EIF2AK3: variants seen among roughly 807,000 people sequenced by gnomAD.
EIF2AK3 encodes the protein eukaryotic translation initiation factor 2-alpha kinase 3.
EIF2AK3 carries 50 observed loss-of-function variants against 113.5 expected under a neutral mutation model. That is an observed-to-expected ratio of 0.44 (90% CI 0.35 to 0.56). The LOEUF is 0.56. Ranked by LOEUF, EIF2AK3 falls within the 20% of genes least tolerant of loss-of-function variation. The pLI, the probability that EIF2AK3 is intolerant of heterozygous loss-of-function variation, is 0.00. For missense variants in EIF2AK3, 1,185 were observed against 1,378.0 expected, an observed-to-expected ratio of 0.86 and a Z score of 2.22; for synonymous variants, 448 against 495.4, an observed-to-expected ratio of 0.90 and a Z score of 1.27.
intron 2 of EIF2AK3, among the ~76,000 whole-genome samples, chr2:88,609,856 T>C (rs1186233494): frequency 9.8e-5 from 14 of 142,654 alleles, no homozygotes; most frequent in Non-Finnish European, 1.9e-4. Flanking sequence ...TGCCTGTAAT[T>C]CCAGCACTTT....
intron 2 of EIF2AK3, among the ~76,000 whole-genome samples, chr2:88,599,556 A>G (rs1675103227): frequency 6.6e-6 from 1 of 151,440 alleles, no homozygotes; most frequent in Non-Finnish European, 1.5e-5. Context: ...TAAATATTCT[A>G]TATTTTATTT....
chr2:88,609,719 T>C (rs1675381406), intron 2 of EIF2AK3, among the ~76,000 whole-genome samples: 1 of 152,094 alleles, frequency 6.6e-6, no homozygotes, highest in African/African-American at 2.4e-5. Flanking sequence ...TTGGTAGACA[T>C]TTTCTAAAAA....
chr2:88,601,584 T>A (rs183847339), intron 2 of EIF2AK3, among the ~76,000 whole-genome samples: 18 of 152,300 alleles, frequency 1.2e-4, no homozygotes, highest in Non-Finnish European at 2.6e-4. Flanking sequence ...TCTGGCCCTT[T>A]ACAGGAAAAG....
chr2:88,614,475 C>T (rs933446432), intron 1 of EIF2AK3, among the ~76,000 whole-genome samples: 1 of 152,210 alleles, frequency 6.6e-6, no homozygotes, highest in Non-Finnish European at 1.5e-5. Flanking sequence ...CACCACCTAA[C>T]ATATTTAACA....
intron 2 of EIF2AK3, among the ~76,000 whole-genome samples, chr2:88,611,755 C>G (rs1349822028): frequency 6.6e-6 from 1 of 152,050 alleles, no homozygotes; most frequent in Non-Finnish European, 1.5e-5. Context: ...CTCAGCCTCC[C>G]AAGTAGCTAG....
At chr2:88,613,958 T>C in intron 1 of EIF2AK3, 105 bp from the exon 2 acceptor site, 2 of 1,071,532 alleles carry the variant, frequency 1.9e-6, no homozygotes, top group Non-Finnish European at 2.7e-6. Flanking sequence ...CCTCTATTCG[T>C]AGAAAGGAAG....
At chr2:88,597,211 A>G (rs1200529522) in intron 2 of EIF2AK3, among the ~76,000 whole-genome samples, 1 of 152,122 alleles carries the variant, frequency 6.6e-6, no homozygotes, top group Admixed American at 6.6e-5. Flanking sequence ...CAGATTAAAA[A>G]CCACTATTCT....
intron 15 of EIF2AK3, among the ~76,000 whole-genome samples, chr2:88,561,550 T>G (rs1673960448): frequency 6.6e-6 from 1 of 152,036 alleles, no homozygotes; most frequent in Non-Finnish European, 1.5e-5. Flanking sequence ...CGTGAGCCAC[T>G]GCACCCGGCC....
chr2:88,615,696 C>G (rs1456877198), intron 1 of EIF2AK3, among the ~76,000 whole-genome samples: 2 of 152,226 alleles, frequency 1.3e-5, no homozygotes, highest in Non-Finnish European at 2.9e-5. Context: ...TTTTCCCCAA[C>G]TTAAAAACCA....
chr2:88,626,746 C>T (rs887511140), intron 1 of EIF2AK3, among the ~76,000 whole-genome samples: 1 of 152,248 alleles, frequency 6.6e-6, no homozygotes, highest in Admixed American at 6.5e-5. Context: ...CTGCTCTGAC[C>T]CGTCGGCCAG....
At chr2:88,601,117 A>T (rs1378596677) in intron 2 of EIF2AK3, among the ~76,000 whole-genome samples, 1 of 152,158 alleles carries the variant, frequency 6.6e-6, no homozygotes, top group Non-Finnish European at 1.5e-5. Flanking sequence ...TATCTCAAAG[A>T]TCTACTTTAT....
At position 88,559,618 on chromosome 2, in the gene EIF2AK3, GA is replaced by G. The variant is rs540303992; in HGVS notation, c.3088-640del. On this transcript the variant is annotated intron_variant, in intron 15 of 16. Transcript: ENST00000303236. The stretch of plus-strand genomic sequence containing the variant: ...AAGAGAAAGGGGAGAGAGAGAGAGA[GA>G]AAGGGCCATATTAAAGCACAAAGAA... 8.4e-4 allele frequency among the ~76,000 whole-genome samples: 127 copies of G among 151,644 alleles called. 1 individual carries two copies. The highest frequency in any genetic ancestry group is 2.9e-3 in the African/African-American group (120 of 41,328).
chr2:88,612,771 G>C (rs1395248426), intron 2 of EIF2AK3, among the ~76,000 whole-genome samples: 3 of 152,058 alleles, frequency 2.0e-5, no homozygotes, highest in Non-Finnish European at 1.5e-5. Flanking sequence ...CCTCATGTAC[G>C]ATTTTGTCTT....
chr2:88,621,653 A>G (rs1474035895), intron 1 of EIF2AK3, among the ~76,000 whole-genome samples: 1 of 152,198 alleles, frequency 6.6e-6, no homozygotes, highest in African/African-American at 2.4e-5. Flanking sequence ...GTCCTCACCT[A>G]CTAAGTAAAT....
intron 13 of EIF2AK3, 46 bp downstream of exon 13, chr2:88,574,620 A>C (rs762221996): frequency 6.2e-7 from 1 of 1,607,480 alleles, no homozygotes; most frequent in Non-Finnish European, 8.5e-7. Context: ...CTGAATCACA[A>C]AACGTCAGAT....
At chr2:88,596,899 A>G (rs1645294603) in intron 2 of EIF2AK3, among the ~76,000 whole-genome samples, 1 of 152,226 alleles carries the variant, frequency 6.6e-6, no homozygotes, top group Non-Finnish European at 1.5e-5. Context: ...TTTCTTCAGT[A>G]AGAGTTTTAG....
chr2:88,574,275 G>A lies in EIF2AK3; in HGVS notation c.2817+391C>T, dbSNP rs192792577. Among the ~76,000 whole-genome samples, 12 of 152,218 alleles carry A rather than the reference G, an allele frequency of 7.9e-5. No individual in the cohort carries two copies. In the East Asian group the frequency reaches 1.7e-3, roughly 22 times the overall value. On this transcript the variant is annotated intron_variant, in intron 13 of 16. Coordinates refer to ENST00000303236, the MANE Select transcript of EIF2AK3 (RefSeq NM_004836.7). The stretch of plus-strand genomic sequence containing the variant: ...TTCACCATGCTGCTTCAGAGCCCTG[G>A]AGGTATTGGTGTCAGGGTTACTCAA...
In EIF2AK3 at chr2:88,557,699, C is replaced by G. The variant is rs762715195; in HGVS notation, c.*37G>C. On this transcript the variant is annotated 3_prime_UTR_variant, in exon 17 of 17. Transcript: ENST00000303236. ...CATATTCTAAGAAGTAGGCTATTAT[C>G]TGCATCACCTATTAGGGTTGCTAGC... is the stretch of plus-strand genomic sequence containing the variant. The G allele has an allele frequency of 5.2e-5, 83 of 1,603,846 alleles. No individual in the cohort carries two copies. Among genetic ancestry groups the G allele is most frequent in the Non-Finnish European group, 7.1e-5 (83 of 1,170,758 alleles).
chr2:88,584,938 C>CA (rs1452827817), intron 9 of EIF2AK3, among the ~76,000 whole-genome samples: 1 of 152,062 alleles, frequency 6.6e-6, no homozygotes, highest in Non-Finnish European at 1.5e-5. Context: ...GGGTACGAAT[C>CA]ATTCAGAACC....
Sources: allele counts gnomAD v4.1 joint callset (sites outside exome capture counted in the v4.1 genomes callset), GRCh38; gene constraint gnomAD v4.1.1; transcripts MANE v1.5; gene names NCBI Gene and HGNC (gene_info 2026-07-23, HGNC 2026-07-21).